Variants in FARS2 observed in about 807,000 individuals in gnomAD.
FARS2 encodes phenylalanine--tRNA ligase, mitochondrial.
FARS2 carries 40 observed loss-of-function variants against 46.4 expected under a neutral mutation model. The ratio of observed to expected loss-of-function variants is 0.86; its 90% confidence interval spans 0.67 to 1.12. The LOEUF is 1.12. FARS2 is among the 50% of genes most tolerant of loss of function. The pLI is 0.00. For missense variants in FARS2, 513 were observed against 567.9 expected, an observed-to-expected ratio of 0.90 and a Z score of 0.98; for synonymous variants, 234 against 214.9, an observed-to-expected ratio of 1.09 and a Z score of -0.78.
intron 1 of FARS2, among the ~76,000 whole-genome samples, chr6:5,293,241 G>T (rs1342380101): frequency 6.6e-6 from 1 of 152,168 alleles, no homozygotes; most frequent in African/African-American, 2.4e-5. Flanking sequence ...TGAAAGAGGG[G>T]GTTGTAGCTA....
chr6:5,597,839 A>G (rs1379648042), intron 5 of FARS2, among the ~76,000 whole-genome samples: 1 of 152,138 alleles, frequency 6.6e-6, no homozygotes, highest in African/African-American at 2.4e-5. Context: ...TCCATTACAT[A>G]ATTTCTCTAG....
At chr6:5,391,398 A>G (rs1247535756) in intron 2 of FARS2, among the ~76,000 whole-genome samples, 1 of 152,232 alleles carries the variant, frequency 6.6e-6, no homozygotes, top group Non-Finnish European at 1.5e-5. Context: ...GCACTCAGCA[A>G]GGTAGCAAAG....
chr6:5,284,725 C>T (rs1409979338), intron 1 of FARS2, among the ~76,000 whole-genome samples: 1 of 152,154 alleles, frequency 6.6e-6, no homozygotes, highest in Non-Finnish European at 1.5e-5. Context: ...CTAGTGTTCT[C>T]ATTTCACCTT....
chr6:5,416,951 G>A (rs913021960), intron 3 of FARS2, among the ~76,000 whole-genome samples: 11 of 152,092 alleles, frequency 7.2e-5, no homozygotes, highest in Non-Finnish European at 1.3e-4. Context: ...TCCTAAATAC[G>A]TTATGATTGT....
chr6:5,315,187 A>G (rs1049459867), intron 1 of FARS2, among the ~76,000 whole-genome samples: 2 of 152,240 alleles, frequency 1.3e-5, no homozygotes, highest in African/African-American at 4.8e-5. Flanking sequence ...TATAATGTAT[A>G]TAATCTACTA....
intron 6 of FARS2, among the ~76,000 whole-genome samples, chr6:5,759,830 A>T (rs1762394707): frequency 6.6e-6 from 1 of 152,192 alleles, no homozygotes; most frequent in Non-Finnish European, 1.5e-5. Context: ...ATCCAACATA[A>T]GGCCTGGCAG....
At chr6:5,699,143 G>C (rs1020282514) in intron 6 of FARS2, among the ~76,000 whole-genome samples, 1 of 152,220 alleles carries the variant, frequency 6.6e-6, no homozygotes, top group Admixed American at 6.5e-5. Flanking sequence ...CCCCTGTAGA[G>C]TGGCATTGAA....
intron 1 of FARS2, among the ~76,000 whole-genome samples, chr6:5,292,127 G>A (rs1406546722): frequency 6.6e-6 from 1 of 152,150 alleles, no homozygotes; most frequent in Non-Finnish European, 1.5e-5. Flanking sequence ...ACCTTTCCTT[G>A]GCTGAGGGAG....
At chr6:5,430,513 TTGAC>T (rs1334092301) in intron 3 of FARS2, among the ~76,000 whole-genome samples, 1 of 151,988 alleles carries the variant, frequency 6.6e-6, no homozygotes, top group African/African-American at 2.4e-5. Context: ...TTACTTAAGA[TTGAC>T]TGATAGATTT....
At chr6:5,714,241 C>T (rs1759357418) in intron 6 of FARS2, among the ~76,000 whole-genome samples, 1 of 152,150 alleles carries the variant, frequency 6.6e-6, no homozygotes, top group Non-Finnish European at 1.5e-5. Flanking sequence ...AGTGAGGACC[C>T]AGGCAGAAGG....
At chr6:5,683,865 G>C (rs1191247882) in intron 6 of FARS2, among the ~76,000 whole-genome samples, 1 of 152,124 alleles carries the variant, frequency 6.6e-6, no homozygotes, top group Non-Finnish European at 1.5e-5. Flanking sequence ...GTGAGAACAT[G>C]TGGTATTTGG....
intron 1 of FARS2, among the ~76,000 whole-genome samples, chr6:5,331,603 G>A (rs1030626755): frequency 6.6e-6 from 1 of 152,198 alleles, no homozygotes; most frequent in Non-Finnish European, 1.5e-5. Flanking sequence ...ATGTGTAAGG[G>A]AGAGCTGGGG....
intron 2 of FARS2, among the ~76,000 whole-genome samples, chr6:5,392,869 T>TTA (rs758902190): frequency 6.8e-6 from 1 of 147,230 alleles, no homozygotes; most frequent in Non-Finnish European, 1.5e-5. Context: ...TGTGTATATA[T>TTA]TATATATATG....
chr6:5,553,385 A>G (rs1771478483), intron 5 of FARS2, among the ~76,000 whole-genome samples: 1 of 152,080 alleles, frequency 6.6e-6, no homozygotes, highest in Admixed American at 6.6e-5. Flanking sequence ...AAGACTTTCC[A>G]TGTCTTAATT....
intron 4 of FARS2, among the ~76,000 whole-genome samples, chr6:5,435,865 T>C (rs890802316): frequency 1.3e-5 from 2 of 152,212 alleles, no homozygotes; most frequent in Non-Finnish European, 2.9e-5. Context: ...GAAATTACCT[T>C]CCTTACCTTT....
chr6:5,640,139 G>GGTGTGTGTGT lies in FARS2; in HGVS notation c.1217+26836_1217+26845dup, dbSNP rs3057207. Among the ~76,000 whole-genome samples the GGTGTGTGTGT allele has an allele frequency of 4.2e-4, 63 of 149,898 alleles. 1 individual carries two copies. Among genetic ancestry groups the GGTGTGTGTGT allele is most frequent in the East Asian group, 4.0e-3 (20 of 5,044 alleles). Reference sequence around the variant, plus strand: ...TAATCATTTGAGGGAACTTTTGTCAGGTGTGTGTGTGTGTGTGTGTGTGTG... The same window carrying GGTGTGTGTGT: ...TAATCATTTGAGGGAACTTTTGTCAGGTGTGTGTGTGTGTGTGTGTGTGTGTGTGTGTGTG... On this transcript the variant is annotated intron_variant, in intron 6 of 6. Coordinates refer to ENST00000274680, the MANE Select transcript of FARS2 (RefSeq NM_006567.5).
chr6:5,744,108 A>G (rs1050243725), intron 6 of FARS2, among the ~76,000 whole-genome samples: 1 of 152,164 alleles, frequency 6.6e-6, no homozygotes, highest in Non-Finnish European at 1.5e-5. Context: ...TGTGAGGGGA[A>G]GGTGTGCGAG....
Position 5,546,455 on chromosome 6 carries a change from TTGGCC to T in FARS2, c.1065+1116_1065+1120del, listed in dbSNP as rs1771010288. On this transcript the variant is annotated intron_variant, in intron 5 of 6. Coordinates refer to ENST00000274680, the MANE Select transcript of FARS2 (RefSeq NM_006567.5). The stretch of plus-strand genomic sequence containing the variant: ...TTAGTAGAGACGGGGTTTCACCATG[TTGGCC>T]AGGCTGGTCTCAAACTCCTGACCTT... 2.6e-5 allele frequency among the ~76,000 whole-genome samples: 4 copies of T among 151,774 alleles called. 1 individual carries two copies. The highest frequency in any genetic ancestry group is 2.6e-4 in the Admixed American group (4 of 15,218).
At chr6:5,256,627 AGAGT>A (rs1371416737), upstream of FARS2, among the ~76,000 whole-genome samples, 1 of 150,966 alleles carries the variant, frequency 6.6e-6, no homozygotes, top group Non-Finnish European at 1.5e-5. Context: ...TGCAGAACAG[AGAGT>A]GATGTGACTT....
Sources: allele counts gnomAD v4.1 joint callset (sites outside exome capture counted in the v4.1 genomes callset), GRCh38; gene constraint gnomAD v4.1.1; transcripts MANE v1.5; gene names NCBI Gene and HGNC (gene_info 2026-07-23, HGNC 2026-07-21).